The following ANKRD42 variants were observed in gnomAD, a reference collection of about 807,000 sequenced individuals.
ANKRD42 encodes ankyrin repeat domain-containing protein 42.
A neutral mutation model predicts 51.5 loss-of-function variants in ANKRD42; 43 were observed. The observed-to-expected ratio is 0.83, with a 90% CI of 0.65 to 1.08. The LOEUF is 1.08. Ranked by LOEUF, ANKRD42 falls within the 50% of genes least tolerant of loss-of-function variation. ANKRD42 has a pLI of 0.00. For missense variants in ANKRD42, 608 were observed against 629.3 expected (o/e 0.97, Z 0.36); for synonymous variants, 203 against 213.0 (o/e 0.95, Z 0.41).
At chr11:83,232,408 A>G (rs1863099879) in intron 7 of ANKRD42, among the ~76,000 whole-genome samples, 1 of 152,158 alleles carries the variant, frequency 6.6e-6, no homozygotes, top group South Asian at 2.1e-4. Flanking sequence ...CTGTTGGCAT[A>G]TAGAAATGCT....
intron 5 of ANKRD42, chr11:83,214,448 T>G (rs994153245): frequency 1.0e-6 from 1 of 982,066 alleles, no homozygotes; most frequent in African/African-American, 1.7e-5. Context: ...GTCTGGTCAT[T>G]AAAAAATCCA....
chr11:83,216,035 T>G (rs1862516036), intron 5 of ANKRD42, among the ~76,000 whole-genome samples: 1 of 152,232 alleles, frequency 6.6e-6, no homozygotes, highest in Non-Finnish European at 1.5e-5. Context: ...CCTCAAGTGA[T>G]CCACCCACCT....
chr11:83,251,970 A>T (rs953711390), downstream of ANKRD42, among the ~76,000 whole-genome samples: 1 of 152,240 alleles, frequency 6.6e-6, no homozygotes, highest in Admixed American at 6.5e-5. Context: ...AAGGCAAGCC[A>T]AAGTGTAGAA....
chr11:83,207,353 A>G (rs1163546775), intron 3 of ANKRD42, among the ~76,000 whole-genome samples: 1 of 152,230 alleles, frequency 6.6e-6, no homozygotes. Flanking sequence ...GAAGCGTGAG[A>G]TTGTTTGAAG....
At chr11:83,257,189 T>C (rs1238279407), downstream of ANKRD42, 1 of 388,910 alleles carries the variant, frequency 2.6e-6, no homozygotes, top group African/African-American at 2.1e-5. Context: ...CTAGTTCTGA[T>C]ACTAGGTCAA....
At chr11:83,233,902 C>T (rs1314021116) in intron 7 of ANKRD42, among the ~76,000 whole-genome samples, 6 of 152,196 alleles carry the variant, frequency 3.9e-5, no homozygotes, top group South Asian at 2.1e-4. Flanking sequence ...AGGCTGTTCT[C>T]GAACTCTTGA....
intron 9 of ANKRD42, 122 bp downstream of exon 9, chr11:83,241,056 T>A: frequency 3.4e-6 from 4 of 1,187,814 alleles, no homozygotes; most frequent in Non-Finnish European, 4.6e-6. Context: ...TTTGATATTT[T>A]TGGAGGAACT....
exon 12 of ANKRD42, chr11:83,255,965 TTTTTCTCTTTCA>T (rs1208677590): frequency 6.8e-7 from 1 of 1,467,818 alleles, no homozygotes; most frequent in African/African-American, 1.4e-5. Flanking sequence ...ACCTGCTAGA[TTTTTCTCTTTCA>T]TTAAAAAAAT....
At chr11:83,198,408 A>G in intron 1 of ANKRD42, 71 bp from the exon 2 acceptor site, 4 of 1,442,700 alleles carry the variant, frequency 2.8e-6, no homozygotes, top group Admixed American at 2.3e-5. Context: ...TTTCTGTTAT[A>G]TCACTGTTTT....
At chr11:83,218,287 T>C (rs545511) in intron 5 of ANKRD42, among the ~76,000 whole-genome samples, 37,045 of 152,138 alleles carry the variant, frequency 0.24, 4,635 homozygotes, top group Middle Eastern at 0.34. Context: ...TGAGTCAGTA[T>C]CCTAATGAGG....
chr11:83,243,967 C>CTTTTTTTTTTT lies in ANKRD42; in HGVS notation c.1196-1512_1196-1502dup, dbSNP rs66756456. On this transcript the variant is annotated intron_variant, in intron 9 of 10. Transcript: ENST00000533342. ...GCGTGAACCACCTCGCCTGGCTGCC[C>CTTTTTTTTTTT]TTTTTTTTTTTTTTTTTTTTTTTTT... Among the ~76,000 whole-genome samples, 37 of 66,964 alleles carry CTTTTTTTTTTT rather than the reference C, an allele frequency of 5.5e-4. 3 individuals are homozygous for CTTTTTTTTTTT. Among genetic ancestry groups the CTTTTTTTTTTT allele is most frequent in the African/African-American group, 7.2e-4 (11 of 15,246 alleles). The allele number at this position is 66,964 out of a possible 152,430, so 43.9% of individuals were successfully genotyped here.
At chr11:83,220,852 T>C (rs1040122395) in intron 5 of ANKRD42, among the ~76,000 whole-genome samples, 2 of 152,214 alleles carry the variant, frequency 1.3e-5, no homozygotes, top group South Asian at 4.1e-4. Flanking sequence ...TTATTTATTA[T>C]ATGCCTTGGG....
chr11:83,212,741 C>T (rs2135506739), intron 5 of ANKRD42: 1 of 1,535,798 alleles, frequency 6.5e-7, no homozygotes, highest in Non-Finnish European at 8.7e-7. Context: ...TGCATGGCCT[C>T]ATCTTTCTAT....
chr11:83,239,636 A>G (rs1863328672), intron 8 of ANKRD42, among the ~76,000 whole-genome samples: 1 of 145,080 alleles, frequency 6.9e-6, no homozygotes, highest in Non-Finnish European at 1.5e-5. Flanking sequence ...CTATTTGTTT[A>G]AAAGACTATC....
intron 5 of ANKRD42, among the ~76,000 whole-genome samples, chr11:83,222,612 A>C (rs1366305129): frequency 6.6e-6 from 1 of 152,208 alleles, no homozygotes; most frequent in African/African-American, 2.4e-5. Flanking sequence ...TGGAGGAAGA[A>C]CATTTCAGGT....
At chr11:83,242,567 G>GTTTTTTGTT in intron 9 of ANKRD42, among the ~76,000 whole-genome samples, 1 of 115,546 alleles carries the variant, frequency 8.7e-6, no homozygotes, top group African/African-American at 3.5e-5. Context: ...TGGTAGTTAA[G>GTTTTTTGTT]TTTTTTTTTT....
chr11:83,249,344 C>T (rs1428798848), downstream of ANKRD42, among the ~76,000 whole-genome samples: 1 of 152,140 alleles, frequency 6.6e-6, no homozygotes, highest in African/African-American at 2.4e-5. Flanking sequence ...GTAGCTGGGA[C>T]TGTAGGCATG....
At chr11:83,195,195 G>A (rs574015880) in intron 1 of ANKRD42, among the ~76,000 whole-genome samples, 3 of 152,056 alleles carry the variant, frequency 2.0e-5, no homozygotes, top group African/African-American at 7.2e-5. Flanking sequence ...GTCATTTACT[G>A]TGACTTCAGT....
At chr11:83,228,067 TATTC>T (rs765157526) in intron 7 of ANKRD42, among the ~76,000 whole-genome samples, 195 bp downstream of exon 7, 2 of 152,128 alleles carry the variant, frequency 1.3e-5, no homozygotes, top group Non-Finnish European at 2.9e-5. Flanking sequence ...TGATGCCAGA[TATTC>T]ATACATTATC....
Sources: allele counts gnomAD v4.1 joint callset (sites outside exome capture counted in the v4.1 genomes callset), GRCh38; gene constraint gnomAD v4.1.1; transcripts MANE v1.5; gene names NCBI Gene and HGNC (gene_info 2026-07-23, HGNC 2026-07-21).